FGFR2: variants seen among roughly 807,000 people sequenced by gnomAD.
FGFR2 encodes the protein BEK fibroblast growth factor receptor.
Under a neutral mutation model 95.9 loss-of-function variants are expected in FGFR2, and 19 were observed. That is an observed-to-expected ratio of 0.20 (90% confidence interval 0.14 to 0.29). The LOEUF is 0.29. Ranked by LOEUF, FGFR2 falls within the 10% of genes least tolerant of loss-of-function variation. The pLI is 1.00. For synonymous variants in FGFR2, 392 were observed against 393.3 expected, an observed-to-expected ratio of 1.00 and a Z score of 0.04; for missense variants, 707 against 1,056.9, an observed-to-expected ratio of 0.67 and a Z score of 4.59.
chr10:121,581,399 T>C (rs533010815), intron 2 of FGFR2, among the ~76,000 whole-genome samples: 270 of 152,078 alleles, frequency 1.8e-3, no homozygotes, highest in African/African-American at 6.2e-3. Context: ...AACCTTGCAA[T>C]GCAGGTGGGT....
At chr10:121,504,689 C>T (rs981692624) in intron 9 of FGFR2, among the ~76,000 whole-genome samples, 3 of 152,300 alleles carry the variant, frequency 2.0e-5, no homozygotes, top group African/African-American at 7.2e-5. Flanking sequence ...TTTCCCATAA[C>T]CACACAAGAG....
chr10:121,595,549 T>C (rs1218830928), intron 1 of FGFR2, among the ~76,000 whole-genome samples: 1 of 152,224 alleles, frequency 6.6e-6, no homozygotes, highest in East Asian at 1.9e-4. Flanking sequence ...TTGAAAGATT[T>C]TTCCTCTTAA....
intron 2 of FGFR2, among the ~76,000 whole-genome samples, chr10:121,586,211 T>C (rs1312336512): frequency 6.6e-6 from 1 of 152,236 alleles, no homozygotes; most frequent in African/African-American, 2.4e-5. Context: ...CGATAATTGA[T>C]ATAGAGTTTA....
intron 2 of FGFR2, among the ~76,000 whole-genome samples, chr10:121,578,173 G>C (rs908112397): frequency 8.7e-4 from 133 of 152,102 alleles, no homozygotes; most frequent in African/African-American, 2.8e-3. Flanking sequence ...AAAAGCACAT[G>C]ATCTCTACTC....
intron 9 of FGFR2, 137 bp from the exon 10 acceptor site, chr10:121,504,078 G>A (rs1440538874): frequency 1.1e-6 from 1 of 952,296 alleles, no homozygotes; most frequent in Non-Finnish European, 1.6e-6. Context: ...AACCAAATTA[G>A]AAAACCACTG....
intron 2 of FGFR2, among the ~76,000 whole-genome samples, chr10:121,586,589 T>C (rs1235806650): frequency 6.6e-6 from 1 of 152,214 alleles, no homozygotes; most frequent in Non-Finnish European, 1.5e-5. Flanking sequence ...AATTACACAT[T>C]CAGCATCTGA....
At chr10:121,592,765 G>A (rs943468175) in intron 2 of FGFR2, among the ~76,000 whole-genome samples, 3 of 152,108 alleles carry the variant, frequency 2.0e-5, no homozygotes, top group East Asian at 1.9e-4. Context: ...GGACTGCTGC[G>A]GGTTCCTAAA....
At chr10:121,580,423 G>T (rs986555843) in intron 2 of FGFR2, among the ~76,000 whole-genome samples, 1 of 152,190 alleles carries the variant, frequency 6.6e-6, no homozygotes, top group Non-Finnish European at 1.5e-5. Flanking sequence ...TCATTTGAAT[G>T]GGTTTGAACG....
At chr10:121,572,900 AT>A (rs1272305731) in intron 2 of FGFR2, among the ~76,000 whole-genome samples, 2 of 152,230 alleles carry the variant, frequency 1.3e-5, no homozygotes, top group African/African-American at 4.8e-5. Flanking sequence ...AGAGAAAAAA[AT>A]CCTCGCTGTG....
At chr10:121,551,764 C>T (rs931044728) in intron 4 of FGFR2, among the ~76,000 whole-genome samples, 39 of 151,966 alleles carry the variant, frequency 2.6e-4, no homozygotes, top group African/African-American at 8.9e-4. Context: ...TTTTAAAATG[C>T]TATTTTATAA....
chr10:121,525,589 C>T (rs1851247317), intron 6 of FGFR2, among the ~76,000 whole-genome samples: 2 of 150,992 alleles, frequency 1.3e-5, no homozygotes, highest in African/African-American at 4.9e-5. Context: ...AGCAGGAAAG[C>T]ACAGCCTGCT....
intron 6 of FGFR2, among the ~76,000 whole-genome samples, chr10:121,522,427 G>A (rs1044771265): frequency 1.3e-5 from 2 of 152,024 alleles, no homozygotes; most frequent in African/African-American, 4.8e-5. Context: ...ACATGGTGGT[G>A]CATGCCTGTA....
At chr10:121,504,006 C>A (rs2134068867) in intron 9 of FGFR2, 65 bp from the exon 10 acceptor site, 1 of 1,587,298 alleles carries the variant, frequency 6.3e-7, no homozygotes, top group South Asian at 1.1e-5. Context: ...GGAAGTCAGC[C>A]AGAGCCCAGC....
At chr10:121,511,489 T>A (rs1849051573) in intron 9 of FGFR2, among the ~76,000 whole-genome samples, 1 of 151,540 alleles carries the variant, frequency 6.6e-6, no homozygotes, top group Non-Finnish European at 1.5e-5. Context: ...CAGAAAGTAA[T>A]GCTGCCCCCT....
chr10:121,574,147 G>A (rs1175254548), intron 2 of FGFR2, among the ~76,000 whole-genome samples: 1 of 152,148 alleles, frequency 6.6e-6, no homozygotes, highest in Non-Finnish European at 1.5e-5. Context: ...ATTTCTGCAA[G>A]ATAGGGTTTC....
Position 121,598,437 on chromosome 10 carries a change from G to T in FGFR2, c.-626C>A, listed in dbSNP as rs549524538. The T allele has an allele frequency of 4.5e-4, 72 of 158,656 alleles. No individual in the cohort carries two copies. The South Asian group carries it at 5.7e-3, about 13-fold the overall frequency. The allele number at this position is 158,656 out of a possible 1,614,324, so 9.8% of individuals were successfully genotyped here. A position where few individuals can be genotyped will look rare whatever the true frequency, so the allele number is the denominator to read the frequency against. On this transcript the variant is annotated 5_prime_UTR_variant, in exon 1 of 18. Transcript: ENST00000358487. ...CCGCCCGCCCGCTCGGCTCTCCACCGCGCTCTCCTCCAGCCGCCGCCCGCG... is the reference window on the plus strand; with the variant it reads ...CCGCCCGCCCGCTCGGCTCTCCACCTCGCTCTCCTCCAGCCGCCGCCCGCG...
intron 6 of FGFR2, chr10:121,526,078 C>T (rs1340931992): frequency 1.0e-5 from 4 of 397,944 alleles, no homozygotes; most frequent in African/African-American, 8.2e-5. Flanking sequence ...GTCTCCTGCT[C>T]TCAGGCCCCC....
intron 5 of FGFR2, among the ~76,000 whole-genome samples, chr10:121,540,124 A>G (rs947606801): frequency 6.6e-6 from 1 of 152,140 alleles, no homozygotes; most frequent in Non-Finnish European, 1.5e-5. Context: ...TCCTTAACAG[A>G]GTACAAGCAG....
At chr10:121,568,056 T>C (rs1458577194) in intron 2 of FGFR2, among the ~76,000 whole-genome samples, 2 of 152,122 alleles carry the variant, frequency 1.3e-5, no homozygotes, top group African/African-American at 4.8e-5. Flanking sequence ...GCGGCTGAAT[T>C]GAGTGACTAA....
Sources: gnomAD v4.1 joint callset for allele counts (sites outside exome capture counted in the v4.1 genomes callset) on GRCh38, gnomAD v4.1.1 for gene constraint, MANE v1.5 for transcripts, NCBI Gene and HGNC (gene_info 2026-07-23, HGNC 2026-07-21) for gene names.